Variants in KANSL1L observed in about 807,000 individuals in gnomAD.
KANSL1L encodes KAT8 regulatory NSL complex subunit 1 like, also known as KAT8 regulatory NSL complex subunit 1-like protein.
KANSL1L carries 25 observed loss-of-function variants against 108.6 expected under a neutral mutation model. The observed-to-expected ratio is 0.23, with a 90% CI of 0.17 to 0.32. The LOEUF is 0.32. KANSL1L is among the 10% of genes least tolerant of loss of function. The pLI is 1.00. For missense variants in KANSL1L, 1,137 were observed against 1,125.7 expected, an observed-to-expected ratio of 1.01 and a Z score of -0.14; for synonymous variants, 405 against 395.1, an observed-to-expected ratio of 1.03 and a Z score of -0.30.
chr2:210,100,591 G>A (rs907333374), intron 4 of KANSL1L, among the ~76,000 whole-genome samples: 10 of 152,064 alleles, frequency 6.6e-5, no homozygotes, highest in African/African-American at 2.4e-4. Context: ...ATAATAATGG[G>A]CTTGCCATAC....
At chr2:210,130,652 C>T (rs2095111288) in intron 2 of KANSL1L, among the ~76,000 whole-genome samples, 1 of 152,082 alleles carries the variant, frequency 6.6e-6, no homozygotes, top group Admixed American at 6.6e-5. Context: ...ACTTAAAAAT[C>T]ACATTTTCCT....
At chr2:210,056,371 ACTC>A (rs2094350617) in intron 6 of KANSL1L, among the ~76,000 whole-genome samples, 1 of 151,974 alleles carries the variant, frequency 6.6e-6, no homozygotes, top group Non-Finnish European at 1.5e-5. Context: ...TTATCATTTC[ACTC>A]CTCCACACCA....
intron 5 of KANSL1L, among the ~76,000 whole-genome samples, chr2:210,095,436 C>T (rs890218098): frequency 3.9e-5 from 6 of 152,068 alleles, no homozygotes; most frequent in African/African-American, 1.4e-4. Flanking sequence ...ACAAAACCAA[C>T]AGATATTTTC....
At chr2:210,118,614 G>A (rs1405154581) in intron 3 of KANSL1L, among the ~76,000 whole-genome samples, 3 of 151,870 alleles carry the variant, frequency 2.0e-5, no homozygotes, top group African/African-American at 7.3e-5. Context: ...TGGAAGGCCA[G>A]GGCAGGCAGA....
chr2:210,047,947 C>T (rs2094243737), intron 6 of KANSL1L, among the ~76,000 whole-genome samples: 1 of 152,178 alleles, frequency 6.6e-6, no homozygotes, highest in Admixed American at 6.5e-5. Flanking sequence ...TGATTTGCCC[C>T]TCAAGGTTTT....
intron 4 of KANSL1L, among the ~76,000 whole-genome samples, chr2:210,098,523 T>C (rs1162714913): frequency 5.3e-5 from 8 of 152,146 alleles, no homozygotes; most frequent in Admixed American, 5.2e-4. Context: ...AAATTAATAA[T>C]TAAAAATCAC....
In KANSL1L at chr2:210,138,329, G is replaced by C. The variant is rs540990563; in HGVS notation, c.1089-9157C>G. ...GGGGACTAATGGAGGGGAGAGGAAG[G>C]GGGTGGGTAAGGGTTGAAAAGCTAA... On this transcript the variant is annotated intron_variant, in intron 2 of 14. Coordinates refer to ENST00000281772, the MANE Select transcript of KANSL1L (RefSeq NM_152519.4). Among the ~76,000 whole-genome samples, 46 of 152,058 alleles carry C rather than the reference G, an allele frequency of 3.0e-4. No individual in the cohort carries two copies. In the South Asian group the frequency reaches 9.6e-3, roughly 32 times the overall value.
At chr2:210,024,010 T>A in intron 14 of KANSL1L, 23 bp downstream of exon 14, 1 of 1,472,188 alleles carries the variant, frequency 6.8e-7, no homozygotes, top group Non-Finnish European at 9.1e-7. Flanking sequence ...AATGGGAAGT[T>A]TAATCATACA....
At chr2:210,074,094 A>C (rs1026715382) in intron 6 of KANSL1L, among the ~76,000 whole-genome samples, 3 of 152,216 alleles carry the variant, frequency 2.0e-5, no homozygotes, top group Admixed American at 6.5e-5. Context: ...CATGTCAAGG[A>C]AGGCTTCCTG....
chr2:210,030,993 TTA>T (rs200057155), intron 9 of KANSL1L: 8 of 153,162 alleles, frequency 5.2e-5, no homozygotes, highest in African/African-American at 1.2e-4. Context: ...TTTTAAAGCT[TTA>T]TATATATATA....
intron 5 of KANSL1L, among the ~76,000 whole-genome samples, chr2:210,095,527 T>C (rs2094728039): frequency 1.3e-5 from 2 of 152,280 alleles, no homozygotes; most frequent in African/African-American, 4.8e-5. Context: ...TTATTATTCT[T>C]ATCTGCAATA....
chr2:210,039,659 C>T (rs900030009), intron 8 of KANSL1L, among the ~76,000 whole-genome samples: 8 of 151,802 alleles, frequency 5.3e-5, no homozygotes, highest in African/African-American at 1.9e-4. Context: ...GCATAGAACT[C>T]ACCCACATTT....
At chr2:210,066,413 GGCC>G (rs2094467277) in intron 6 of KANSL1L, among the ~76,000 whole-genome samples, 1 of 152,210 alleles carries the variant, frequency 6.6e-6, no homozygotes, top group Non-Finnish European at 1.5e-5. Flanking sequence ...AACAATAGAT[GGCC>G]AAAACAACGG....
chr2:210,153,773 G>C lies in KANSL1L; in HGVS notation c.810C>G (p.Pro270=). ...TAGGTTCATGAAATGTCTTCATTTT[G>C]GGGAGTTGATGTTTCATAGACAATT... ...QMKLSMKHQL[P]KMKTFHEPTT... The change falls in exon 2 of 15, where the codon CCC becomes CCG. Residue 270 remains proline, a synonymous_variant. Transcript: ENST00000281772. 1 of 1,612,264 alleles carries C rather than the reference G, an allele frequency of 6.2e-7. No homozygotes were observed. Among genetic ancestry groups the C allele is most frequent in the Non-Finnish European group, 8.5e-7 (1 of 1,179,490 alleles).
At chr2:210,079,648 A>ATATATATATGTGTG (rs1553653242) in intron 5 of KANSL1L, among the ~76,000 whole-genome samples, 174 of 15,172 alleles carry the variant, frequency 0.011, 15 homozygotes, top group East Asian at 0.066. Flanking sequence ...ATATATATAT[A>ATATATATATGTGTG]TATATATATA....
upstream of KANSL1L, chr2:210,171,657 G>A (rs576017053): frequency 8.0e-4 from 122 of 151,942 alleles, 2 homozygotes; most frequent in African/African-American, 2.7e-3. Context: ...CCCTGGCGAG[G>A]GGGAAAAAAA....
chr2:210,170,834 G>C (rs962292123), intron 1 of KANSL1L, among the ~76,000 whole-genome samples: 9 of 152,102 alleles, frequency 5.9e-5, no homozygotes, highest in Admixed American at 6.5e-5. Flanking sequence ...AGGGAGGTCT[G>C]CCAAGCCCCA....
rs917743301 is a variant in KANSL1L at position 210,090,729 on chromosome 2, C to T, written c.1550+7357G>A. On this transcript the variant is annotated intron_variant, in intron 5 of 14. Transcript: ENST00000281772. Reference sequence around the variant, plus strand: ...AAAAAATTTTGAAGAGATGGGGTCTCACTATATTGTCTAGGCTGGTCTCAA... The same window carrying T: ...AAAAAATTTTGAAGAGATGGGGTCTTACTATATTGTCTAGGCTGGTCTCAA... 2.0e-5 allele frequency among the ~76,000 whole-genome samples: 3 copies of T among 151,988 alleles called. No individual in the cohort carries two copies. The East Asian group carries it at 5.8e-4, about 29-fold the overall frequency.
At chr2:210,049,775 AT>A (rs1197215544) in intron 6 of KANSL1L, among the ~76,000 whole-genome samples, 1 of 152,230 alleles carries the variant, frequency 6.6e-6, no homozygotes, top group Non-Finnish European at 1.5e-5. Context: ...AATAGCTACA[AT>A]TGGAGTTGCT....
Sources: gnomAD v4.1 joint callset for allele counts (sites outside exome capture counted in the v4.1 genomes callset) on GRCh38, gnomAD v4.1.1 for gene constraint, MANE v1.5 for transcripts, NCBI Gene and HGNC (gene_info 2026-07-23, HGNC 2026-07-21) for gene names.